SLC38A11: variants seen among roughly 807,000 people sequenced by gnomAD.
SLC38A11 encodes the protein putative sodium-coupled neutral amino acid transporter 11.
In SLC38A11, 51 loss-of-function variants were observed where a neutral mutation model predicts 49.4. The observed-to-expected ratio is 1.03, with a 90% CI of 0.83 to 1.30. SLC38A11 has a LOEUF of 1.30. Ranked by LOEUF, SLC38A11 falls within the 50% of genes most tolerant of loss-of-function variation. SLC38A11 has a pLI of 0.00. For synonymous variants in SLC38A11, 203 were observed against 192.9 expected, an observed-to-expected ratio of 1.05 and a Z score of -0.43; for missense variants, 574 against 556.2, an observed-to-expected ratio of 1.03 and a Z score of -0.32.
rs756524298 is a variant in SLC38A11 at position 164,915,284 on chromosome 2, A to C, written c.689-11T>G. On this transcript the variant is annotated splice_polypyrimidine_tract_variant and intron_variant, in intron 8 of 11. Transcript: ENST00000685975. ...GGTGGCAAATAAATGCTGCAATACA[A>C]AAAAAAAGAGCATTATTAAATCAAG... is the stretch of plus-strand genomic sequence containing the variant. 1 of 1,574,910 alleles carries C rather than the reference A, an allele frequency of 6.3e-7. No homozygotes were observed. The highest frequency in any genetic ancestry group is 8.6e-7 in the Non-Finnish European group (1 of 1,166,552).
chr2:164,924,883 A>C (rs530414410), intron 7 of SLC38A11, among the ~76,000 whole-genome samples: 1 of 151,674 alleles, frequency 6.6e-6, no homozygotes, highest in Non-Finnish European at 1.5e-5. Flanking sequence ...TACAGGCACC[A>C]GCCACCATGC....
intron 7 of SLC38A11, among the ~76,000 whole-genome samples, chr2:164,919,005 A>G (rs2105468524): frequency 6.6e-6 from 1 of 152,274 alleles, no homozygotes; most frequent in South Asian, 2.1e-4. Context: ...TTTAAATTCA[A>G]ATAATAAAAT....
At chr2:164,905,603 A>G (rs924249964) in intron 11 of SLC38A11, among the ~76,000 whole-genome samples, 1 of 152,156 alleles carries the variant, frequency 6.6e-6, no homozygotes, top group Non-Finnish European at 1.5e-5. Context: ...GTTCTTACGC[A>G]CACCAAAAGA....
In SLC38A11 at chr2:164,944,726, A is replaced by G. The variant is rs61677813; in HGVS notation, c.365-92T>C. The G allele has an allele frequency of 2.0e-3, 873 of 429,540 alleles. 10 individuals are homozygous for G. The highest frequency in any genetic ancestry group is 0.016 in the African/African-American group (769 of 48,812). The allele number at this position is 429,540 out of a possible 1,614,324, so 26.6% of individuals were successfully genotyped here. A position where few individuals can be genotyped will look rare whatever the true frequency, so the allele number is the denominator to read the frequency against. ...AGCAATCAGTTATTACTTCCCAAAT[A>G]TTGGCATAATCCTACTGCTTCAAAT... On this transcript the variant is annotated intron_variant, in intron 4 of 11. Transcript: ENST00000685975.
chr2:164,953,632 A>C (rs1688665063), intron 2 of SLC38A11, among the ~76,000 whole-genome samples: 1 of 151,848 alleles, frequency 6.6e-6, no homozygotes, highest in Non-Finnish European at 1.5e-5. Context: ...TTTATGTATC[A>C]TTTGGAGAAA....
intron 9 of SLC38A11, 109 bp from the exon 10 acceptor site, chr2:164,911,857 CAT>C (rs1685428752): frequency 1.8e-6 from 1 of 553,600 alleles, no homozygotes; most frequent in African/African-American, 1.9e-5. Flanking sequence ...TAATGGCCCA[CAT>C]ATATGATTAC....
chr2:164,932,195 A>C (rs936386362), intron 7 of SLC38A11, among the ~76,000 whole-genome samples: 1 of 152,208 alleles, frequency 6.6e-6, no homozygotes, highest in Non-Finnish European at 1.5e-5. Flanking sequence ...AATGTGAATC[A>C]AAACCACAAT....
At chr2:164,937,018 T>G (rs1192615282) in intron 7 of SLC38A11, among the ~76,000 whole-genome samples, 1 of 152,192 alleles carries the variant, frequency 6.6e-6, no homozygotes, top group Non-Finnish European at 1.5e-5. Flanking sequence ...ATATCTCTTA[T>G]TCTTTTTATT....
At chr2:164,934,146 T>G (rs1006657233) in intron 7 of SLC38A11, among the ~76,000 whole-genome samples, 2 of 152,092 alleles carry the variant, frequency 1.3e-5, no homozygotes, top group South Asian at 4.1e-4. Context: ...TATATGATAG[T>G]CATTTGTATA....
chr2:164,902,486 G>C (rs979653651), intron 11 of SLC38A11, among the ~76,000 whole-genome samples: 3 of 152,018 alleles, frequency 2.0e-5, no homozygotes, highest in Non-Finnish European at 4.4e-5. Flanking sequence ...AAATTTAAAA[G>C]TTAATTTGCA....
intron 5 of SLC38A11, among the ~76,000 whole-genome samples, chr2:164,944,090 A>G (rs1687952814): frequency 6.6e-6 from 1 of 152,152 alleles, no homozygotes; most frequent in Admixed American, 6.5e-5. Context: ...TCCTGAGCTC[A>G]AGCGATCCAC....
chr2:164,933,023 A>C (rs1464637509), intron 7 of SLC38A11, among the ~76,000 whole-genome samples: 1 of 152,096 alleles, frequency 6.6e-6, no homozygotes, highest in Admixed American at 6.6e-5. Flanking sequence ...AAACTGCAGA[A>C]TTCAGGGTTT....
rs929935124 is a variant in SLC38A11, at chr2:164,897,522, CTA to C, written c.*913_*914del. 1 of 152,254 alleles carries C rather than the reference CTA, an allele frequency of 6.6e-6. No individual in the cohort carries two copies. Among genetic ancestry groups the C allele is most frequent in the Non-Finnish European group, 1.5e-5 (1 of 68,126 alleles). 9.4% of individuals were successfully genotyped at this position (152,254 alleles called of 1,614,324 possible). On this transcript the variant is annotated 3_prime_UTR_variant, in exon 12 of 12. Coordinates refer to ENST00000685975, the MANE Select transcript of SLC38A11 (RefSeq NM_001351537.2). ...ATTAGTTATGATAAACTCCATCTCA[CTA>C]TCTGCTCCCAAAGACCCAGTCAACA...
At chr2:164,917,840 C>T (rs961565421) in intron 7 of SLC38A11, among the ~76,000 whole-genome samples, 2 of 151,800 alleles carry the variant, frequency 1.3e-5, no homozygotes, top group Non-Finnish European at 2.9e-5. Flanking sequence ...TCCCTGGGTC[C>T]ATATGGTTCC....
At chr2:164,908,872 C>A in intron 10 of SLC38A11, 101 bp from the exon 11 acceptor site, 2 of 1,265,026 alleles carry the variant, frequency 1.6e-6, no homozygotes, top group Non-Finnish European at 2.1e-6. Context: ...TAAAATACTA[C>A]CAACAAGGCT....
At chr2:164,951,345 C>A (rs1688511217) in intron 3 of SLC38A11, among the ~76,000 whole-genome samples, 1 of 151,940 alleles carries the variant, frequency 6.6e-6, no homozygotes, top group African/African-American at 2.4e-5. Context: ...ATGACAGGGA[C>A]AAATCCTTGA....
At chr2:164,945,282 G>T in intron 4 of SLC38A11, among the ~76,000 whole-genome samples, 1 of 145,756 alleles carries the variant, frequency 6.9e-6, no homozygotes, top group African/African-American at 2.5e-5. Context: ...AAAGTATTAA[G>T]CCTTATAAGA....
At chr2:164,920,353 T>C (rs1686106270) in intron 7 of SLC38A11, among the ~76,000 whole-genome samples, 1 of 150,976 alleles carries the variant, frequency 6.6e-6, no homozygotes, top group Non-Finnish European at 1.5e-5. Flanking sequence ...TTAAATAAAA[T>C]GTTTGAATTT....
intron 7 of SLC38A11, among the ~76,000 whole-genome samples, chr2:164,920,567 A>G (rs1373941880): frequency 6.6e-6 from 1 of 152,094 alleles, no homozygotes; most frequent in Non-Finnish European, 1.5e-5. Flanking sequence ...ACTCTATGAA[A>G]ACGAAACTGG....
Sources: gnomAD v4.1 joint callset for allele counts (sites outside exome capture counted in the v4.1 genomes callset) on GRCh38, gnomAD v4.1.1 for gene constraint, MANE v1.5 for transcripts, NCBI Gene and HGNC (gene_info 2026-07-23, HGNC 2026-07-21) for gene names.